The following RPH3A variants were observed in gnomAD, a reference collection of about 807,000 sequenced individuals.
The protein encoded by RPH3A is rabphilin-3A.
A neutral mutation model predicts 102.2 loss-of-function variants in RPH3A; 48 were observed. The observed-to-expected ratio is 0.47, with a 90% CI of 0.37 to 0.60. RPH3A has a LOEUF of 0.60. Ranked by LOEUF, RPH3A falls within the 20% of genes least tolerant of loss-of-function variation. The pLI is 0.00. For synonymous variants in RPH3A, 310 were observed against 324.3 expected (o/e 0.96, Z 0.47); for missense variants, 781 against 910.1 (o/e 0.86, Z 1.83).
rs1190843096 is a variant in RPH3A, at chr12:112,677,468, TCC to T, written c.-140+102150_-140+102151del. On this transcript the variant is annotated intron_variant, in intron 1 of 21. Transcript: ENST00000543106. ...TTCCTTCCTTCCTTCCTTCCTTCCTTCCTTCCTTCCTTCCTTCCCTCTTTCTC... is the reference window on the plus strand; with the variant it reads ...TTCCTTCCTTCCTTCCTTCCTTCCTTTTCCTTCCTTCCTTCCCTCTTTCTC... Among the ~76,000 whole-genome samples the T allele has an allele frequency of 8.7e-4, 122 of 139,594 alleles. 2 individuals carry two copies. Among genetic ancestry groups the T allele is most frequent in the African/African-American group, 3.2e-3 (114 of 35,956 alleles). 91.6% of individuals were successfully genotyped at this position (139,594 alleles called of 152,430 possible).
At position 112,828,291 on chromosome 12, in the gene RPH3A, T is replaced by A; in HGVS notation, c.-18-10T>A. On this transcript the variant is annotated splice_polypyrimidine_tract_variant and intron_variant, in intron 2 of 21. Transcript: ENST00000389385. ...TGGGGTGATGTCCTCTCTGGATTGA[T>A]GTTTTCCAGGAGCACTAGACATCTA... 1 of 1,594,102 alleles carries A rather than the reference T, an allele frequency of 6.3e-7. No homozygotes were observed. Among genetic ancestry groups the A allele is most frequent in the Non-Finnish European group, 8.6e-7 (1 of 1,163,190 alleles).
intron 1 of RPH3A, among the ~76,000 whole-genome samples, chr12:112,689,982 A>G (rs1245900289): frequency 6.6e-6 from 1 of 152,212 alleles, no homozygotes; most frequent in Non-Finnish European, 1.5e-5. Flanking sequence ...GAGGAGACTG[A>G]TGCTTTTCTG....
chr12:112,877,817 G>A (rs554662411), intron 13 of RPH3A, among the ~76,000 whole-genome samples: 20 of 152,352 alleles, frequency 1.3e-4, no homozygotes, highest in South Asian at 2.1e-4. Flanking sequence ...GTTGTTATGC[G>A]TATGGACATC....
chr12:112,720,723 C>T (rs2040544761), intron 1 of RPH3A, among the ~76,000 whole-genome samples: 2 of 152,100 alleles, frequency 1.3e-5, no homozygotes, highest in African/African-American at 4.8e-5. Context: ...GAAGGCAAGC[C>T]CAACTGTGCA....
At chr12:112,874,750 ACTCTATCAGCTAAGTGATTAT>A in intron 10 of RPH3A, 1 of 261,186 alleles carries the variant, frequency 3.8e-6, no homozygotes, top group Non-Finnish European at 7.3e-6. Flanking sequence ...CTTCCCCACA[ACTCTATCAGCTAAGTGATTAT>A]CTCCATATAC....
intron 3 of RPH3A, among the ~76,000 whole-genome samples, chr12:112,832,953 T>TTTG (rs1468727023): frequency 2.6e-4 from 39 of 151,760 alleles, no homozygotes; most frequent in African/African-American, 9.4e-4. Flanking sequence ...TTTTTTTTTT[T>TTTG]TGAGACCGAG....
intron 4 of RPH3A, among the ~76,000 whole-genome samples, chr12:112,844,545 C>G (rs2042199772): frequency 6.6e-6 from 1 of 152,170 alleles, no homozygotes; most frequent in African/African-American, 2.4e-5. Context: ...AAATCCTGAG[C>G]AGAAGACCCA....
intron 3 of RPH3A, among the ~76,000 whole-genome samples, chr12:112,828,604 G>T (rs542012435): frequency 3.3e-5 from 5 of 152,312 alleles, no homozygotes; most frequent in African/African-American, 9.6e-5. Flanking sequence ...CCATAGAATA[G>T]GTGACCTGGT....
chr12:112,771,947 G>C (rs1247577163), intron 1 of RPH3A, among the ~76,000 whole-genome samples: 1 of 152,172 alleles, frequency 6.6e-6, no homozygotes, highest in African/African-American at 2.4e-5. Flanking sequence ...TCATACATTT[G>C]TTTAAGTGTA....
chr12:112,743,328 A>C (rs2040723097), intron 1 of RPH3A, among the ~76,000 whole-genome samples: 1 of 152,178 alleles, frequency 6.6e-6, no homozygotes, highest in Non-Finnish European at 1.5e-5. Flanking sequence ...ACCAAACCAC[A>C]TCACCTTTGC....
Position 112,896,747 on chromosome 12 carries a change from G to A in RPH3A, c.2052G>A (p.Gln684=). 7 of 1,614,158 alleles carry A rather than the reference G, an allele frequency of 4.3e-6. No individual in the cohort carries two copies. Among genetic ancestry groups the A allele is most frequent in the Non-Finnish European group, 5.9e-6 (7 of 1,180,016 alleles). ...ACAAGAAGATAGAGCGCTGGCACCA[G>A]CTACAGAATGAGAACCACGTGTCAA... ...NKDKKIERWH[Q]LQNENHVSSD The change falls in exon 22 of 22, where the codon CAG becomes CAA. Residue 684 remains glutamine, a synonymous_variant. Coordinates refer to ENST00000389385, the MANE Select transcript of RPH3A (RefSeq NM_001143854.2).
chr12:112,792,449 G>T (rs2041139928), intron 2 of RPH3A, among the ~76,000 whole-genome samples, 186 bp downstream of exon 2: 1 of 152,246 alleles, frequency 6.6e-6, no homozygotes, highest in South Asian at 2.1e-4. Flanking sequence ...AGCCAAATGA[G>T]ATTTTGGCTT....
chr12:112,611,828 A>AT (rs2039641032), intron 1 of RPH3A, among the ~76,000 whole-genome samples: 1 of 149,558 alleles, frequency 6.7e-6, no homozygotes, highest in South Asian at 2.2e-4. Flanking sequence ...CTAGCCAGCA[A>AT]GAAAAAAAAA....
Position 112,709,924 on chromosome 12 carries a change from G to A in RPH3A, c.-139-82219G>A, listed in dbSNP as rs115658324. 6.6e-3 allele frequency among the ~76,000 whole-genome samples: 1,006 copies of A among 152,220 alleles called. 10 individuals carry two copies. Among genetic ancestry groups the A allele is most frequent in the African/African-American group, 0.022 (930 of 41,550 alleles). Reference sequence around the variant, plus strand: ...CAAGGCCACAAAGCAGCCCAAAGCCGGAGCATCCTCCTTTTGTAGCTTCCC... The same window carrying A: ...CAAGGCCACAAAGCAGCCCAAAGCCAGAGCATCCTCCTTTTGTAGCTTCCC... On this transcript the variant is annotated intron_variant, in intron 1 of 21. Coordinates refer to the RPH3A transcript ENST00000543106.
At chr12:112,853,044 CTTG>C (rs1373060710) in intron 5 of RPH3A, among the ~76,000 whole-genome samples, 2 of 152,192 alleles carry the variant, frequency 1.3e-5, no homozygotes, top group African/African-American at 2.4e-5. Flanking sequence ...GTCAGAGAGA[CTTG>C]TTGTTGACAG....
At chr12:112,822,860 A>G (rs2041804868) in intron 2 of RPH3A, among the ~76,000 whole-genome samples, 1 of 152,326 alleles carries the variant, frequency 6.6e-6, no homozygotes, top group African/African-American at 2.4e-5. Flanking sequence ...TAAGCCCTTG[A>G]TATTTGAACT....
intron 19 of RPH3A, 47 bp downstream of exon 19, chr12:112,891,050 G>C (rs1389170039): frequency 4.4e-6 from 7 of 1,604,150 alleles, no homozygotes; most frequent in Non-Finnish European, 3.4e-6. Context: ...AGGAGTCCTG[G>C]AGCCTTGGAA....
intron 5 of RPH3A, among the ~76,000 whole-genome samples, chr12:112,855,511 C>T (rs1413777345): frequency 6.6e-6 from 1 of 152,138 alleles, no homozygotes; most frequent in African/African-American, 2.4e-5. Flanking sequence ...GTGCTGAGGC[C>T]CAGGCAGGAA....
intron 1 of RPH3A, among the ~76,000 whole-genome samples, chr12:112,578,276 T>C (rs1444351049): frequency 1.3e-5 from 2 of 152,166 alleles, no homozygotes; most frequent in Non-Finnish European, 1.5e-5. Context: ...CTGTGACTGT[T>C]ACCTCACAGC....
Sources: gnomAD v4.1 joint callset for allele counts (sites outside exome capture counted in the v4.1 genomes callset) on GRCh38, gnomAD v4.1.1 for gene constraint, MANE v1.5 for transcripts, NCBI Gene and HGNC (gene_info 2026-07-23, HGNC 2026-07-21) for gene names.